Variants in NKAIN2 observed in about 807,000 individuals in gnomAD.
The protein encoded by NKAIN2 is sodium/potassium-transporting ATPase subunit beta-1-interacting protein 2.
In NKAIN2, 14 loss-of-function variants were observed where a neutral mutation model predicts 32.6. The ratio of observed to expected loss-of-function variants is 0.43; its 90% CI spans 0.28 to 0.67. NKAIN2 has a LOEUF of 0.67. Ranked by LOEUF, NKAIN2 falls within the 30% of genes least tolerant of loss-of-function variation. The pLI is 0.17. For synonymous variants in NKAIN2, 80 were observed against 87.2 expected (o/e 0.92, Z 0.46); for missense variants, 198 against 258.3 (o/e 0.77, Z 1.60).
At chr6:124,295,456 C>T (rs923972590) in intron 2 of NKAIN2, among the ~76,000 whole-genome samples, 1 of 152,120 alleles carries the variant, frequency 6.6e-6, no homozygotes, top group Non-Finnish European at 1.5e-5. Context: ...CCCATAGCTG[C>T]AGGTTAGTCT....
chr6:124,750,093 TG>T (rs1377695895), intron 4 of NKAIN2, among the ~76,000 whole-genome samples: 1 of 151,918 alleles, frequency 6.6e-6, no homozygotes, highest in African/African-American at 2.4e-5. Context: ...GAAGCTCCTT[TG>T]CCTGTGGTGC....
chr6:124,038,195 A>G (rs765780338), intron 1 of NKAIN2, among the ~76,000 whole-genome samples: 15 of 152,176 alleles, frequency 9.9e-5, no homozygotes, highest in East Asian at 3.9e-4. Flanking sequence ...AGGCTAAAAT[A>G]TGGTGCGTGA....
intron 5 of NKAIN2, among the ~76,000 whole-genome samples, chr6:124,810,917 GAAAA>G (rs112717446): frequency 2.6e-5 from 3 of 113,466 alleles, no homozygotes; most frequent in Admixed American, 8.9e-5. Context: ...TCCTTATCAG[GAAAA>G]AAAAAAAAAA....
chr6:124,532,322 C>T (rs1456562962), intron 3 of NKAIN2, among the ~76,000 whole-genome samples: 1 of 152,182 alleles, frequency 6.6e-6, no homozygotes, highest in Non-Finnish European at 1.5e-5. Flanking sequence ...GTCTCATACC[C>T]TTCTTGCAAG....
chr6:124,473,329 TA>T (rs1777052787), intron 3 of NKAIN2, among the ~76,000 whole-genome samples: 1 of 152,164 alleles, frequency 6.6e-6, no homozygotes, highest in African/African-American at 2.4e-5. Context: ...GCACTTTCCT[TA>T]GATAAAACAG....
chr6:124,019,313 C>T (rs1197456185), intron 1 of NKAIN2, among the ~76,000 whole-genome samples: 1 of 152,008 alleles, frequency 6.6e-6, no homozygotes, highest in Non-Finnish European at 1.5e-5. Context: ...AATATTCCTG[C>T]ATTTATATGT....
intron 1 of NKAIN2, among the ~76,000 whole-genome samples, chr6:124,096,651 G>C (rs780584282): frequency 2.2e-4 from 33 of 151,836 alleles, no homozygotes; most frequent in Non-Finnish European, 4.9e-4. Context: ...AAAGGAGATC[G>C]AGACCATCTT....
chr6:124,072,227 A>G (rs756812902), intron 1 of NKAIN2, among the ~76,000 whole-genome samples: 72 of 152,320 alleles, frequency 4.7e-4, no homozygotes, highest in Admixed American at 7.2e-4. Flanking sequence ...ACATAGGAAC[A>G]GAAAACAAAA....
At chr6:124,277,317 A>G (rs536353186) in intron 1 of NKAIN2, among the ~76,000 whole-genome samples, 1 of 152,240 alleles carries the variant, frequency 6.6e-6, no homozygotes, top group Non-Finnish European at 1.5e-5. Flanking sequence ...AAGTTTATCT[A>G]AACTTTAATG....
intron 3 of NKAIN2, among the ~76,000 whole-genome samples, chr6:124,425,558 T>C (rs1295140800): frequency 6.6e-6 from 1 of 151,998 alleles, no homozygotes; most frequent in East Asian, 1.9e-4. Context: ...CTGATAGGGG[T>C]TTAATATTTA....
At chr6:124,619,751 C>T (rs1345010522) in intron 3 of NKAIN2, among the ~76,000 whole-genome samples, 8 of 152,090 alleles carry the variant, frequency 5.3e-5, no homozygotes, top group African/African-American at 1.9e-4. Flanking sequence ...GTAATCATTA[C>T]AAAAATATGT....
At chr6:123,844,065 C>A (rs1266952300) in intron 1 of NKAIN2, among the ~76,000 whole-genome samples, 1 of 152,134 alleles carries the variant, frequency 6.6e-6, no homozygotes, top group Non-Finnish European at 1.5e-5. Context: ...AAGGCCTCTG[C>A]CCTGCCCTTT....
intron 3 of NKAIN2, among the ~76,000 whole-genome samples, chr6:124,530,651 T>A (rs1289721047): frequency 6.6e-6 from 1 of 152,202 alleles, no homozygotes; most frequent in Admixed American, 6.5e-5. Flanking sequence ...CCATTTACTC[T>A]CTGTAAGCTG....
intron 1 of NKAIN2, among the ~76,000 whole-genome samples, chr6:124,064,975 A>G (rs2114864934): frequency 6.6e-6 from 1 of 152,208 alleles, no homozygotes; most frequent in Middle Eastern, 3.4e-3. Context: ...TTCAATGTGT[A>G]GTAGGCCCTG....
intron 1 of NKAIN2, among the ~76,000 whole-genome samples, chr6:124,046,334 T>C (rs1433219280): frequency 6.6e-6 from 1 of 152,020 alleles, no homozygotes; most frequent in Non-Finnish European, 1.5e-5. Flanking sequence ...CATACCGTAT[T>C]CCTGGAACAC....
intron 1 of NKAIN2, among the ~76,000 whole-genome samples, chr6:124,163,450 C>A (rs1388999123): frequency 1.3e-5 from 2 of 151,938 alleles, no homozygotes; most frequent in African/African-American, 4.8e-5. Context: ...TGTGGAAATG[C>A]AGGCATTTTC....
chr6:124,625,134 TAG>T (rs755887622), intron 3 of NKAIN2, among the ~76,000 whole-genome samples: 3 of 151,740 alleles, frequency 2.0e-5, no homozygotes, highest in Non-Finnish European at 2.9e-5. Context: ...TTCCTGACAC[TAG>T]AGTTTTCTTC....
intron 3 of NKAIN2, among the ~76,000 whole-genome samples, chr6:124,602,721 A>T (rs1354962317): frequency 6.6e-6 from 1 of 151,772 alleles, no homozygotes; most frequent in Non-Finnish European, 1.5e-5. Flanking sequence ...GTTGATCCAG[A>T]TTTCTTTTTC....
chr6:124,077,456 G>A (rs1014941868), intron 1 of NKAIN2, among the ~76,000 whole-genome samples: 43 of 152,230 alleles, frequency 2.8e-4, no homozygotes, highest in African/African-American at 1.0e-3. Flanking sequence ...CTGGAAGAAG[G>A]TAAGGTTTCA....
Sources: gnomAD v4.1 joint callset for allele counts (sites outside exome capture counted in the v4.1 genomes callset) on GRCh38, gnomAD v4.1.1 for gene constraint, MANE v1.5 for transcripts, NCBI Gene and HGNC (gene_info 2026-07-23, HGNC 2026-07-21) for gene names.